PEX5L: variants seen among roughly 807,000 people sequenced by gnomAD.
The protein encoded by PEX5L is peroxisomal biogenesis factor 5 like, also known as PEX5-related protein.
In PEX5L, 30 loss-of-function variants were observed where a neutral mutation model predicts 84.0. The ratio of observed to expected loss-of-function variants is 0.36; its 90% CI spans 0.27 to 0.48. The LOEUF (loss-of-function observed/expected upper bound fraction) is 0.48, where lower values mean the gene tolerates loss of function less well. PEX5L is among the 20% of genes least tolerant of loss of function. The pLI is 0.99. For missense variants in PEX5L, 533 were observed against 754.6 expected (o/e 0.71, Z 3.44); for synonymous variants, 270 against 283.1 (o/e 0.95, Z 0.46).
intron 14 of PEX5L, among the ~76,000 whole-genome samples, chr3:179,806,224 A>T (rs539701097): frequency 1.3e-5 from 2 of 152,308 alleles, no homozygotes; most frequent in African/African-American, 4.8e-5. Flanking sequence ...TGGCCGGGAA[A>T]ATCAGATGAA....
intron 3 of PEX5L, among the ~76,000 whole-genome samples, chr3:179,896,779 C>T (rs1188696229): frequency 6.6e-6 from 1 of 152,132 alleles, no homozygotes; most frequent in Non-Finnish European, 1.5e-5. Flanking sequence ...CCTTCCATAG[C>T]ATTCACCTGA....
intron 8 of PEX5L, among the ~76,000 whole-genome samples, chr3:179,831,172 G>C (rs544194940): frequency 6.6e-6 from 1 of 151,812 alleles, no homozygotes; most frequent in African/African-American, 2.4e-5. Context: ...AAAATTAGCC[G>C]GGCATGGTGG....
chr3:179,807,399 G>A (rs1002817519), intron 14 of PEX5L, among the ~76,000 whole-genome samples: 5 of 152,132 alleles, frequency 3.3e-5, no homozygotes, highest in African/African-American at 1.2e-4. Flanking sequence ...TCCTAATCCA[G>A]GCCAACTGAA....
At position 179,840,234 on chromosome 3, in the gene PEX5L, G is replaced by A. The variant is rs188923749; in HGVS notation, c.822+18828C>T. ...ATGGAGTTACTCTCTTGTCTCCCAG[G>A]TTGGAGTGCAGTGGCATGATCTTGG... On this transcript the variant is annotated intron_variant, in intron 8 of 14. Transcript: ENST00000467460. Among the ~76,000 whole-genome samples, 243 of 138,562 alleles carry A rather than the reference G, an allele frequency of 1.8e-3. 1 individual carries two copies. Among genetic ancestry groups the A allele is most frequent in the African/African-American group, 6.2e-3 (223 of 35,766 alleles). 90.9% of individuals were successfully genotyped at this position (138,562 alleles called of 152,430 possible).
intron 2 of PEX5L, among the ~76,000 whole-genome samples, chr3:179,932,013 G>T (rs922224230): frequency 1.1e-4 from 17 of 152,102 alleles, no homozygotes; most frequent in Admixed American, 1.0e-3. Context: ...ATATTTCTAT[G>T]TACAAGGATA....
At position 180,009,564 on chromosome 3, in the gene PEX5L, T is replaced by A. The variant is rs570369005; in HGVS notation, c.21+27015A>T. ...AACTCAGCATGAGTTACTGAAAAAA[T>A]TTTTTTCTTTTCTTTTTTTTTTGTT... is the stretch of plus-strand genomic sequence containing the variant. On this transcript the variant is annotated intron_variant, in intron 1 of 14. Coordinates refer to ENST00000467460, the MANE Select transcript of PEX5L (RefSeq NM_016559.3). Among the ~76,000 whole-genome samples, 14 of 150,050 alleles carry A rather than the reference T, an allele frequency of 9.3e-5. 1 individual carries two copies. The highest frequency in any genetic ancestry group is 2.6e-4 in the Admixed American group (4 of 15,138).
At chr3:179,975,033 T>TA (rs1217727866) in intron 1 of PEX5L, among the ~76,000 whole-genome samples, 1 of 151,776 alleles carries the variant, frequency 6.6e-6, no homozygotes, top group Admixed American at 6.6e-5. Context: ...CTCATCTCTA[T>TA]AAAAAATTAG....
intron 2 of PEX5L, among the ~76,000 whole-genome samples, chr3:179,943,556 T>C (rs1163292006): frequency 6.6e-6 from 1 of 152,230 alleles, no homozygotes; most frequent in Non-Finnish European, 1.5e-5. Flanking sequence ...AATTTAGGTA[T>C]GGAAATTCAG....
chr3:180,017,618 T>C (rs1406304402), intron 1 of PEX5L, among the ~76,000 whole-genome samples: 1 of 152,012 alleles, frequency 6.6e-6, no homozygotes, highest in Admixed American at 6.6e-5. Context: ...ATTTTCCATA[T>C]ACTTTATATA....
chr3:180,014,321 A>C (rs569500722), intron 1 of PEX5L, among the ~76,000 whole-genome samples: 1 of 152,200 alleles, frequency 6.6e-6, no homozygotes, highest in Admixed American at 6.5e-5. Flanking sequence ...AAATACAAAA[A>C]ATTAGCCAGG....
At chr3:179,975,203 AT>A (rs1421770145) in intron 1 of PEX5L, among the ~76,000 whole-genome samples, 3 of 152,178 alleles carry the variant, frequency 2.0e-5, no homozygotes, top group African/African-American at 7.2e-5. Flanking sequence ...ATAAAGAAAA[AT>A]TAAAAAAAGA....
chr3:179,949,926 T>C (rs1036043251), intron 2 of PEX5L, among the ~76,000 whole-genome samples: 2 of 152,182 alleles, frequency 1.3e-5, no homozygotes, highest in African/African-American at 2.4e-5. Flanking sequence ...CAACTTTAGT[T>C]TCTCTGGAAC....
At chr3:179,949,435 CT>C (rs573730498) in intron 2 of PEX5L, among the ~76,000 whole-genome samples, 29 of 152,148 alleles carry the variant, frequency 1.9e-4, no homozygotes, top group Non-Finnish European at 3.5e-4. Context: ...TAAATTGCCC[CT>C]AGTATTCCAT....
rs1266681045 is a variant in PEX5L, at chr3:179,796,154, C to A, written c.*5674G>T. The A allele has an allele frequency of 6.6e-6, 1 of 152,108 alleles. No individual in the cohort carries two copies. Among genetic ancestry groups the A allele is most frequent in the Non-Finnish European group, 1.5e-5 (1 of 68,022 alleles). 9.4% of individuals were successfully genotyped at this position (152,108 alleles called of 1,614,324 possible). A position where few individuals can be genotyped will look rare whatever the true frequency, so the allele number is the denominator to read the frequency against. On this transcript the variant is annotated 3_prime_UTR_variant, in exon 15 of 15. Coordinates refer to ENST00000467460, the MANE Select transcript of PEX5L (RefSeq NM_016559.3). ...TAGTCTTTTTGTGTTATACCATTTCCCTTTCCAAGAAATCCAAAGAACACG... is the reference window on the plus strand; with the variant it reads ...TAGTCTTTTTGTGTTATACCATTTCACTTTCCAAGAAATCCAAAGAACACG...
intron 7 of PEX5L, among the ~76,000 whole-genome samples, chr3:179,865,870 T>C (rs550354707): frequency 9.9e-5 from 15 of 152,284 alleles, no homozygotes; most frequent in African/African-American, 3.6e-4. Context: ...GAACCTTTGA[T>C]CTAGATATTG....
intron 2 of PEX5L, among the ~76,000 whole-genome samples, chr3:179,909,340 A>G (rs575100697): frequency 6.6e-6 from 1 of 152,318 alleles, no homozygotes; most frequent in East Asian, 1.9e-4. Flanking sequence ...AGAGAGACTT[A>G]AATATCAGCA....
intron 1 of PEX5L, among the ~76,000 whole-genome samples, chr3:180,024,347 AATATAT>A (rs148495757): frequency 0.014 from 1,530 of 107,630 alleles, 134 homozygotes; most frequent in African/African-American, 0.054. Context: ...GTCCCTACTA[AATATAT>A]ATATATATAT....
At chr3:179,837,840 A>T (rs1007727332) in intron 8 of PEX5L, among the ~76,000 whole-genome samples, 2 of 152,174 alleles carry the variant, frequency 1.3e-5, no homozygotes, top group African/African-American at 2.4e-5. Context: ...CTTGGTTAAA[A>T]CAGGTAGACT....
chr3:179,863,117 G>A (rs2108576334), intron 7 of PEX5L, among the ~76,000 whole-genome samples: 1 of 152,238 alleles, frequency 6.6e-6, no homozygotes, highest in South Asian at 2.1e-4. Context: ...AATGGTTCTT[G>A]GAAAACTGGA....
Sources: gnomAD v4.1 joint callset for allele counts (sites outside exome capture counted in the v4.1 genomes callset) on GRCh38, gnomAD v4.1.1 for gene constraint, MANE v1.5 for transcripts, NCBI Gene and HGNC (gene_info 2026-07-23, HGNC 2026-07-21) for gene names.